The following SRFBP1 variants were observed in gnomAD, a reference collection of about 807,000 sequenced individuals.
SRFBP1 encodes serum response factor-binding protein 1.
In SRFBP1, 47 loss-of-function variants were observed where a neutral mutation model predicts 45.5. The observed-to-expected ratio is 1.03, with a 90% CI of 0.82 to 1.32. The LOEUF is 1.32. Among genes scored for constraint, SRFBP1 ranks in the 40% most tolerant of loss-of-function variants. SRFBP1 has a pLI of 0.00. For synonymous variants in SRFBP1, 203 were observed against 166.3 expected (o/e 1.22, Z -1.70); for missense variants, 621 against 484.6 (o/e 1.28, Z -2.64).
At chr5:122,050,071 A>G (rs904707287) in intron 2 of SRFBP1, among the ~76,000 whole-genome samples, 11 of 152,146 alleles carry the variant, frequency 7.2e-5, no homozygotes, top group African/African-American at 2.4e-4. Flanking sequence ...TGTTGAACCA[A>G]TCTTGCATCC....
intron 4 of SRFBP1, among the ~76,000 whole-genome samples, chr5:121,996,061 C>T (rs1752720024): frequency 6.6e-6 from 1 of 151,124 alleles, no homozygotes; most frequent in African/African-American, 2.4e-5. Flanking sequence ...CAGATGGACT[C>T]ACAGCCGAAT....
intron 3 of SRFBP1, among the ~76,000 whole-genome samples, chr5:121,981,394 C>T (rs1251063008): frequency 6.6e-6 from 1 of 151,918 alleles, no homozygotes; most frequent in Non-Finnish European, 1.5e-5. Flanking sequence ...GACTTCCTGC[C>T]TCTGGTCTCG....
intron 2 of SRFBP1, among the ~76,000 whole-genome samples, chr5:122,040,898 A>G (rs894106095): frequency 9.2e-5 from 14 of 152,146 alleles, no homozygotes; most frequent in Non-Finnish European, 1.6e-4. Context: ...GAAAGTATCA[A>G]CTGGTTATTT....
chr5:122,041,796 T>C (rs949905172), intron 2 of SRFBP1, among the ~76,000 whole-genome samples: 7 of 152,318 alleles, frequency 4.6e-5, no homozygotes, highest in African/African-American at 1.4e-4. Context: ...ATTTTCATAA[T>C]TCTTTATCTT....
At chr5:122,069,833 G>A (rs373954987) in intron 2 of SRFBP1, 3 of 531,618 alleles carry the variant, frequency 5.6e-6, no homozygotes, top group South Asian at 3.3e-5. Context: ...GTCTTCTCCT[G>A]AAAACTAAGC....
chr5:121,998,181 C>T (rs1249915527), intron 4 of SRFBP1, among the ~76,000 whole-genome samples: 1 of 151,630 alleles, frequency 6.6e-6, no homozygotes, highest in Non-Finnish European at 1.5e-5. Flanking sequence ...ACCCAAATGA[C>T]TATAAATCAT....
chr5:121,999,536 C>T (rs752558887), intron 4 of SRFBP1, among the ~76,000 whole-genome samples: 11 of 151,856 alleles, frequency 7.2e-5, no homozygotes, highest in Admixed American at 5.2e-4. Flanking sequence ...TTAAGAGGTA[C>T]GTTGGAACCT....
chr5:122,062,371 C>G (rs1207570426), intron 2 of SRFBP1, among the ~76,000 whole-genome samples: 5 of 151,832 alleles, frequency 3.3e-5, no homozygotes, highest in Non-Finnish European at 4.4e-5. Context: ...CTACTAATAT[C>G]TGTGGTAAGG....
At chr5:121,975,221 G>T in intron 2 of SRFBP1, 94 bp from the exon 3 acceptor site, 2 of 1,279,578 alleles carry the variant, frequency 1.6e-6, no homozygotes, top group East Asian at 2.4e-5. Context: ...GATTTATTAC[G>T]CTTTTCTAAA....
At chr5:121,974,310 G>T (rs990818474) in intron 2 of SRFBP1, 26 bp downstream of exon 2, 6 of 1,507,000 alleles carry the variant, frequency 4.0e-6, no homozygotes, top group Non-Finnish European at 5.5e-6. Flanking sequence ...TAATGATCTT[G>T]TGACTAATAA....
chr5:121,994,664 CAAAAAGGTATA>C lies in SRFBP1; in HGVS notation c.265_270+5del. ...ATGATATCAACTTTGAAAAAATCTT[CAAAAAGGTATA>C]TCTGCAATAGATTATATTTGTCTTA... On this transcript the variant is annotated splice_donor_variant and splice_donor_5th_base_variant and coding_sequence_variant and intron_variant, in exon 4 of 8. Coordinates refer to ENST00000339397, the MANE Select transcript of SRFBP1 (RefSeq NM_152546.3). LOFTEE classifies it high-confidence loss of function. 1 of 1,583,226 alleles carries C rather than the reference CAAAAAGGTATA, an allele frequency of 6.3e-7. No individual in the cohort carries two copies. The highest frequency in any genetic ancestry group is 8.6e-7 in the Non-Finnish European group (1 of 1,161,126).
intron 3 of SRFBP1, among the ~76,000 whole-genome samples, chr5:121,981,340 GT>G (rs1472737332): frequency 1.4e-4 from 21 of 151,962 alleles, no homozygotes; most frequent in African/African-American, 4.1e-4. Context: ...TGAATTAGGT[GT>G]TTTTAAAATG....
intron 1 of SRFBP1, among the ~76,000 whole-genome samples, chr5:121,969,328 A>G (rs1378753152): frequency 6.6e-6 from 1 of 152,122 alleles, no homozygotes; most frequent in African/African-American, 2.4e-5. Context: ...TGCATGATTC[A>G]TGTTGAGCTG....
At chr5:121,995,237 A>AT (rs1319049082) in intron 4 of SRFBP1, among the ~76,000 whole-genome samples, 1 of 151,864 alleles carries the variant, frequency 6.6e-6, no homozygotes, top group Non-Finnish European at 1.5e-5. Context: ...CACCACACCT[A>AT]TTCCAAAATT....
chr5:121,973,484 A>G (rs896926216), intron 1 of SRFBP1, among the ~76,000 whole-genome samples: 1 of 151,702 alleles, frequency 6.6e-6, no homozygotes, highest in Non-Finnish European at 1.5e-5. Context: ...AAGCTGTTAT[A>G]ATGTGTATTT....
chr5:122,017,154 G>C (rs574337458), intron 4 of SRFBP1, among the ~76,000 whole-genome samples: 1 of 152,114 alleles, frequency 6.6e-6, no homozygotes, highest in African/African-American at 2.4e-5. Flanking sequence ...GCTTGAACCC[G>C]GGAGGCGGAG....
chr5:121,968,466 G>A (rs2112812457), intron 1 of SRFBP1, among the ~76,000 whole-genome samples: 1 of 151,950 alleles, frequency 6.6e-6, no homozygotes, highest in East Asian at 1.9e-4. Flanking sequence ...TTGGTGGGGG[G>A]GACTACTGTA....
At chr5:122,075,611 A>G (rs1212643746), downstream of SRFBP1, 2 of 1,048,128 alleles carry the variant, frequency 1.9e-6, no homozygotes, top group Non-Finnish European at 2.8e-6. Flanking sequence ...TACAAATAAA[A>G]CATCCATTAT....
intron 4 of SRFBP1, among the ~76,000 whole-genome samples, chr5:122,014,358 A>T (rs540923065): frequency 8.8e-4 from 134 of 152,248 alleles, no homozygotes; most frequent in African/African-American, 3.1e-3. Flanking sequence ...CCAAACTTTT[A>T]TGTTCTCCTT....
Sources: gnomAD v4.1 joint callset for allele counts (sites outside exome capture counted in the v4.1 genomes callset) on GRCh38, gnomAD v4.1.1 for gene constraint, MANE v1.5 for transcripts, NCBI Gene and HGNC (gene_info 2026-07-23, HGNC 2026-07-21) for gene names.